The following PCDH9 variants were observed in gnomAD, a reference collection of about 807,000 sequenced individuals.
PCDH9 encodes protocadherin-9.
A neutral mutation model predicts 70.6 loss-of-function variants in PCDH9; 24 were observed. The observed-to-expected ratio is 0.34, with a 90% CI of 0.25 to 0.48. The LOEUF (loss-of-function observed/expected upper bound fraction) is 0.48. Ranked by LOEUF, PCDH9 falls within the 20% of genes least tolerant of loss-of-function variation. PCDH9 has a pLI of 0.99. For synonymous variants in PCDH9, 562 were observed against 558.5 expected (o/e 1.01, Z -0.09); for missense variants, 1,281 against 1,503.6 (o/e 0.85, Z 2.45).
chr13:66,449,690 C>A (rs910131354), intron 4 of PCDH9, among the ~76,000 whole-genome samples: 1 of 152,060 alleles, frequency 6.6e-6, no homozygotes, highest in Non-Finnish European at 1.5e-5. Context: ...TTTCAAATAA[C>A]TGAAATAGTC....
chr13:66,444,296 G>A (rs1455374989), intron 4 of PCDH9, among the ~76,000 whole-genome samples: 1 of 152,096 alleles, frequency 6.6e-6, no homozygotes, highest in Non-Finnish European at 1.5e-5. Flanking sequence ...TGGTTTCCAT[G>A]GTAATCATGT....
chr13:67,194,364 T>C (rs1040574010), intron 2 of PCDH9, among the ~76,000 whole-genome samples: 3 of 110,780 alleles, frequency 2.7e-5, no homozygotes, highest in African/African-American at 8.5e-5. Flanking sequence ...TTTTTAACTT[T>C]TATCTTTTTT....
chr13:66,781,896 G>A (rs2139299915), intron 3 of PCDH9, among the ~76,000 whole-genome samples: 1 of 145,564 alleles, frequency 6.9e-6, no homozygotes, highest in South Asian at 2.2e-4. Flanking sequence ...TCAATCAAAA[G>A]CCTCTAGGCA....
rs187948297 is a variant in PCDH9 at position 67,032,526 on chromosome 13, A to C, written c.3037-128921T>G. Among the ~76,000 whole-genome samples the C allele has an allele frequency of 3.9e-5, 6 of 152,202 alleles. No homozygotes were observed. The East Asian group carries it at 7.8e-4, about 20-fold the overall frequency. ...AATTCCAGCTTAAGAGCAGTGTAGA[A>C]TTGTTTGCATTTATGTAAAAATTCT... On this transcript the variant is annotated intron_variant, in intron 2 of 4. Transcript: ENST00000377865.
intron 3 of PCDH9, among the ~76,000 whole-genome samples, chr13:66,686,959 A>C (rs921404645): frequency 1.3e-5 from 2 of 152,180 alleles, no homozygotes; most frequent in African/African-American, 2.4e-5. Flanking sequence ...ATCAAAGACT[A>C]CTCAGAAGAA....
At chr13:66,448,288 C>T (rs1033938053) in intron 4 of PCDH9, among the ~76,000 whole-genome samples, 3 of 152,120 alleles carry the variant, frequency 2.0e-5, no homozygotes, top group Admixed American at 6.5e-5. Context: ...CGACATACAT[C>T]CCCAGAGAAA....
chr13:66,404,982 G>A (rs1173805596), intron 4 of PCDH9, among the ~76,000 whole-genome samples: 1 of 151,960 alleles, frequency 6.6e-6, no homozygotes, highest in Admixed American at 6.6e-5. Context: ...TGTCTATACA[G>A]TAAAATTGTT....
chr13:66,945,088 T>C (rs986741875), intron 2 of PCDH9, among the ~76,000 whole-genome samples: 2 of 152,086 alleles, frequency 1.3e-5, no homozygotes, highest in Non-Finnish European at 2.9e-5. Context: ...TCTGAAAAGC[T>C]ACCTTTTATA....
Position 66,951,848 on chromosome 13 carries a change from T to C in PCDH9, c.3037-48243A>G, listed in dbSNP as rs2083187025. ...TTTTTGTATGTAGATACAGTTTCTA[T>C]CTTCTAAGTGCCTGCGGGGATCTAG... On this transcript the variant is annotated intron_variant, in intron 2 of 4. Coordinates refer to ENST00000377865, the MANE Select transcript of PCDH9 (RefSeq NM_203487.3). 4.6e-5 allele frequency among the ~76,000 whole-genome samples: 7 copies of C among 152,336 alleles called. No individual in the cohort carries two copies. In the South Asian group the frequency reaches 1.4e-3, roughly 32 times the overall value.
intron 3 of PCDH9, among the ~76,000 whole-genome samples, chr13:66,806,935 C>G (rs2139352250): frequency 6.6e-6 from 1 of 152,240 alleles, no homozygotes; most frequent in African/African-American, 2.4e-5. Flanking sequence ...TTAATTCTGT[C>G]TCTCATCACA....
chr13:66,408,359 T>G (rs1375572471), intron 4 of PCDH9, among the ~76,000 whole-genome samples: 1 of 152,248 alleles, frequency 6.6e-6, no homozygotes, highest in African/African-American at 2.4e-5. Context: ...TTGTCTCCAT[T>G]CCCAATTTCC....
chr13:66,737,520 G>A (rs1018072079), intron 3 of PCDH9, among the ~76,000 whole-genome samples: 56 of 152,110 alleles, frequency 3.7e-4, no homozygotes, highest in Non-Finnish European at 6.8e-4. Flanking sequence ...GAACAGCTCC[G>A]GTCTACAGCT....
chr13:67,082,071 A>G (rs2085995906), intron 2 of PCDH9, among the ~76,000 whole-genome samples: 1 of 152,094 alleles, frequency 6.6e-6, no homozygotes, highest in South Asian at 2.1e-4. Context: ...CCATTCTTTT[A>G]TTTATTATTA....
chr13:67,148,792 T>G (rs1044063375), intron 2 of PCDH9, among the ~76,000 whole-genome samples: 5 of 152,216 alleles, frequency 3.3e-5, no homozygotes, highest in Non-Finnish European at 7.3e-5. Flanking sequence ...TCAGTCTACA[T>G]GTTAAATGGC....
intron 4 of PCDH9, among the ~76,000 whole-genome samples, chr13:66,359,801 T>C (rs576334450): frequency 6.6e-6 from 1 of 152,198 alleles, no homozygotes; most frequent in African/African-American, 2.4e-5. Flanking sequence ...TTCAGTTTAT[T>C]CATTTAGGCA....
chr13:66,910,765 C>T (rs938166227), intron 2 of PCDH9, among the ~76,000 whole-genome samples: 3 of 151,952 alleles, frequency 2.0e-5, no homozygotes, highest in South Asian at 2.1e-4. Context: ...TGCCACGTAC[C>T]GTAACCAAAA....
intron 3 of PCDH9, among the ~76,000 whole-genome samples, chr13:66,733,066 T>C (rs1261158051): frequency 6.6e-6 from 1 of 152,110 alleles, no homozygotes; most frequent in Admixed American, 6.6e-5. Context: ...GGGTCCACCA[T>C]TGAGAAAACA....
At chr13:66,725,582 T>C (rs1271051966) in intron 3 of PCDH9, among the ~76,000 whole-genome samples, 1 of 152,188 alleles carries the variant, frequency 6.6e-6, no homozygotes, top group African/African-American at 2.4e-5. Context: ...TGTTCTAGGA[T>C]AGAGTGTGAT....
chr13:66,631,955 G>T (rs1359823622), intron 3 of PCDH9, among the ~76,000 whole-genome samples: 1 of 152,072 alleles, frequency 6.6e-6, no homozygotes, highest in African/African-American at 2.4e-5. Flanking sequence ...GTGCAATGGC[G>T]CGATCTTGGC....
Sources: allele counts gnomAD v4.1 joint callset (sites outside exome capture counted in the v4.1 genomes callset), GRCh38; gene constraint gnomAD v4.1.1; transcripts MANE v1.5; gene names NCBI Gene and HGNC (gene_info 2026-07-23, HGNC 2026-07-21).